Variants in NELL2 observed in about 807,000 individuals in gnomAD.
NELL2 encodes protein kinase C-binding protein NELL2.
A neutral mutation model predicts 109.6 loss-of-function variants in NELL2; 41 were observed. The ratio of observed to expected loss-of-function variants is 0.37; its 90% CI spans 0.29 to 0.49. The LOEUF is 0.49. Among genes scored for constraint, NELL2 ranks in the 20% least tolerant of loss-of-function variants. The pLI is 0.98. For synonymous variants in NELL2, 355 were observed against 344.7 expected, an observed-to-expected ratio of 1.03 and a Z score of -0.33; for missense variants, 900 against 1,008.3, an observed-to-expected ratio of 0.89 and a Z score of 1.45.
At chr12:44,610,314 A>T (rs1945570640) in intron 14 of NELL2, among the ~76,000 whole-genome samples, 1 of 151,940 alleles carries the variant, frequency 6.6e-6, no homozygotes, top group South Asian at 2.1e-4. Context: ...TAGCATAACA[A>T]ATAGGTTGAC....
chr12:44,890,089 T>C (rs1945516680), intron 1 of NELL2, among the ~76,000 whole-genome samples: 1 of 152,220 alleles, frequency 6.6e-6, no homozygotes, highest in South Asian at 2.1e-4. Context: ...ACATGTATCA[T>C]TTAGTCCTCT....
chr12:44,544,340 ATTAAG>A (rs1364336721), intron 15 of NELL2, among the ~76,000 whole-genome samples: 19 of 152,200 alleles, frequency 1.2e-4, no homozygotes, highest in Non-Finnish European at 1.5e-5. Context: ...TATTGAAATA[ATTAAG>A]TTATTTATCC....
intron 13 of NELL2, among the ~76,000 whole-genome samples, chr12:44,617,095 C>T (rs1172127651): frequency 6.6e-6 from 1 of 152,106 alleles, no homozygotes; most frequent in Non-Finnish European, 1.5e-5. Flanking sequence ...TCCCTTCTTC[C>T]TTCCTTCCCT....
chr12:44,692,842 A>C (rs1490869253), intron 12 of NELL2, among the ~76,000 whole-genome samples: 1 of 152,220 alleles, frequency 6.6e-6, no homozygotes, highest in Non-Finnish European at 1.5e-5. Context: ...AAATTTGAGC[A>C]GATGAGAAAT....
At chr12:44,823,567 T>A (rs1383072430) in intron 2 of NELL2, among the ~76,000 whole-genome samples, 1 of 152,188 alleles carries the variant, frequency 6.6e-6, no homozygotes, top group East Asian at 1.9e-4. Context: ...AAGATATGAT[T>A]TATTTCTTTT....
chr12:44,842,733 T>C (rs755572452), intron 2 of NELL2, among the ~76,000 whole-genome samples: 6 of 152,026 alleles, frequency 3.9e-5, no homozygotes, highest in African/African-American at 1.5e-4. Context: ...ATTAACAAGA[T>C]GAGATCATAC....
chr12:44,640,587 T>A (rs892430015), intron 13 of NELL2, among the ~76,000 whole-genome samples: 2 of 150,834 alleles, frequency 1.3e-5, no homozygotes, highest in Admixed American at 6.6e-5. Flanking sequence ...ATGCTGACAT[T>A]GCACTGCTTC....
chr12:44,917,297 G>C (rs765969780), upstream of NELL2, among the ~76,000 whole-genome samples: 2 of 152,192 alleles, frequency 1.3e-5, no homozygotes, highest in African/African-American at 2.4e-5. Flanking sequence ...TTATGACGTA[G>C]AAAGAGCACA....
rs572896641 is a variant in NELL2, at chr12:44,687,430, C to A, written c.1318+16296G>T. ...CCTATTCGGCCATCTTGGCTCCTCC[C>A]CCTCTTTGTGCAATTCTTATATATT... On this transcript the variant is annotated intron_variant, in intron 12 of 19. Transcript: ENST00000429094. Among the ~76,000 whole-genome samples the A allele has an allele frequency of 5.3e-4, 81 of 152,298 alleles. 1 individual carries two copies. Among genetic ancestry groups the A allele is most frequent in the Non-Finnish European group, 7.9e-4 (54 of 68,012 alleles).
chr12:44,515,581 C>A (rs1483313559), intron 19 of NELL2, among the ~76,000 whole-genome samples: 1 of 151,826 alleles, frequency 6.6e-6, no homozygotes, highest in African/African-American at 2.4e-5. Context: ...TTATCAAACT[C>A]ATCAAACTAT....
intron 2 of NELL2, among the ~76,000 whole-genome samples, chr12:44,867,709 T>A (rs1295529013): frequency 6.6e-6 from 1 of 152,164 alleles, no homozygotes; most frequent in African/African-American, 2.4e-5. Flanking sequence ...TTTGACATCA[T>A]CTTATATCTA....
chr12:44,720,546 T>G (rs12227809), intron 9 of NELL2, among the ~76,000 whole-genome samples: 1 of 152,208 alleles, frequency 6.6e-6, no homozygotes, highest in Non-Finnish European at 1.5e-5. Flanking sequence ...GTTACTCTCA[T>G]AGCAGTAACT....
At chr12:44,609,754 A>G (rs542994713) in intron 14 of NELL2, among the ~76,000 whole-genome samples, 1 of 152,142 alleles carries the variant, frequency 6.6e-6, no homozygotes, top group South Asian at 2.1e-4. Flanking sequence ...GTATTTTTGT[A>G]GACCAGGCCT....
chr12:44,800,527 G>A (rs1328627641), intron 3 of NELL2, among the ~76,000 whole-genome samples: 1 of 152,068 alleles, frequency 6.6e-6, no homozygotes, highest in Non-Finnish European at 1.5e-5. Context: ...TCCCAAAATG[G>A]TAGCTTTTCA....
intron 15 of NELL2, among the ~76,000 whole-genome samples, chr12:44,571,938 CA>C: frequency 6.6e-6 from 1 of 151,910 alleles, no homozygotes; most frequent in Non-Finnish European, 1.5e-5. Flanking sequence ...CCCATGTATA[CA>C]ATAAGCACAA....
intron 9 of NELL2, among the ~76,000 whole-genome samples, chr12:44,724,759 A>C: frequency 6.6e-6 from 1 of 151,250 alleles, no homozygotes; most frequent in East Asian, 1.9e-4. Context: ...AAAAAAACCT[A>C]CTTTAAAATT....
chr12:44,540,781 C>CAAAAAAAAAAAAAAAA (rs57205620), intron 15 of NELL2, among the ~76,000 whole-genome samples: 2,866 of 49,552 alleles, frequency 0.058, 902 homozygotes, highest in East Asian at 0.11. Flanking sequence ...GTCTGCAAGC[C>CAAAAAAAAAAAAAAAA]AAAAAAAAAA....
intron 15 of NELL2, among the ~76,000 whole-genome samples, chr12:44,599,665 T>C (rs1054439675): frequency 6.6e-6 from 1 of 152,100 alleles, no homozygotes; most frequent in African/African-American, 2.4e-5. Context: ...TCCGAAGGGA[T>C]AAATATTGAG....
chr12:44,574,258 C>T (rs1007006936), intron 15 of NELL2, among the ~76,000 whole-genome samples: 22 of 151,888 alleles, frequency 1.4e-4, no homozygotes, highest in Admixed American at 2.6e-4. Flanking sequence ...TGCGCCACAA[C>T]GCCTGGCTAT....
Sources: gnomAD v4.1 joint callset for allele counts (sites outside exome capture counted in the v4.1 genomes callset) on GRCh38, gnomAD v4.1.1 for gene constraint, MANE v1.5 for transcripts, NCBI Gene and HGNC (gene_info 2026-07-23, HGNC 2026-07-21) for gene names.